SMAD7: variants seen among roughly 807,000 people sequenced by gnomAD.
The protein encoded by SMAD7 is SMAD family member 7.
Under a neutral mutation model 38.7 loss-of-function variants are expected in SMAD7, and 8 were observed. The observed-to-expected ratio is 0.21, with a 90% CI of 0.12 to 0.37. SMAD7 has a LOEUF of 0.37. Among genes scored for constraint, SMAD7 ranks in the 10% least tolerant of loss-of-function variants. The probability of loss-of-function intolerance (pLI) is 1.00; values close to 1 mark genes in which losing one functional copy is unlikely to be tolerated. For synonymous variants in SMAD7, 327 were observed against 265.1 expected, an observed-to-expected ratio of 1.23 and a Z score of -2.27; for missense variants, 477 against 577.9, an observed-to-expected ratio of 0.83 and a Z score of 1.79.
intron 3 of SMAD7, among the ~76,000 whole-genome samples, chr18:48,925,503 G>A (rs4939567): frequency 0.48 from 72,232 of 151,858 alleles, 17,362 homozygotes; most frequent in South Asian, 0.68. Context: ...GGAGGTGGGT[G>A]TTGAGAAAGG....
intron 3 of SMAD7, 24 bp downstream of exon 3, chr18:48,942,457 G>A (rs570310624): frequency 2.0e-6 from 3 of 1,515,002 alleles, no homozygotes; most frequent in Non-Finnish European, 2.7e-6. Flanking sequence ...GGAATTGCCA[G>A]GAAAATAAGA....
chr18:48,946,555 T>G (rs1239655661), intron 2 of SMAD7, among the ~76,000 whole-genome samples: 1 of 152,240 alleles, frequency 6.6e-6, no homozygotes, highest in African/African-American at 2.4e-5. Flanking sequence ...CTCATTTCTT[T>G]TTTTGTTCTA....
intron 3 of SMAD7, among the ~76,000 whole-genome samples, chr18:48,923,360 C>T (rs1186669008): frequency 2.0e-5 from 3 of 152,130 alleles, no homozygotes; most frequent in Admixed American, 2.0e-4. Context: ...GAAGATGGGG[C>T]CGCATCCTGC....
chr18:48,930,025 G>A (rs191107791), intron 3 of SMAD7: 5 of 151,976 alleles, frequency 3.3e-5, no homozygotes, highest in Admixed American at 2.6e-4. Flanking sequence ...ACTGCATTCC[G>A]GCCAATAAAT....
chr18:48,920,122 T>C lies in SMAD7; in HGVS notation c.*1250A>G, dbSNP rs1216258521. 1 of 152,394 alleles carries C rather than the reference T, an allele frequency of 6.6e-6. No individual in the cohort carries two copies. Among genetic ancestry groups the C allele is most frequent in the Non-Finnish European group, 1.5e-5 (1 of 67,946 alleles). 9.4% of individuals were successfully genotyped at this position (152,394 alleles called of 1,614,324 possible). On this transcript the variant is annotated 3_prime_UTR_variant, in exon 4 of 4. Coordinates refer to ENST00000262158, the MANE Select transcript of SMAD7 (RefSeq NM_005904.4). ...TATTTATATATAACATAAAATACATTTTTTTCTTTAATAAATCTCAGGTTT... is the reference window on the plus strand; with the variant it reads ...TATTTATATATAACATAAAATACATCTTTTTCTTTAATAAATCTCAGGTTT...
chr18:48,947,719 C>G (rs1158715077), intron 2 of SMAD7, among the ~76,000 whole-genome samples: 1 of 152,210 alleles, frequency 6.6e-6, no homozygotes, highest in Non-Finnish European at 1.5e-5. Context: ...TGCAGACAAC[C>G]ACAACAGGGC....
chr18:48,940,277 G>GC (rs2070122123), intron 3 of SMAD7, among the ~76,000 whole-genome samples: 2 of 152,202 alleles, frequency 1.3e-5, no homozygotes, highest in South Asian at 4.1e-4. Flanking sequence ...CATGTGGAAG[G>GC]CCCCCTCTTC....
At chr18:48,932,815 C>A (rs954387744) in intron 3 of SMAD7, among the ~76,000 whole-genome samples, 1 of 152,230 alleles carries the variant, frequency 6.6e-6, no homozygotes, top group African/African-American at 2.4e-5. Flanking sequence ...CTTCATCCCC[C>A]AGATGGTCTT....
chr18:48,928,799 C>G (rs761336378), intron 3 of SMAD7, among the ~76,000 whole-genome samples: 1 of 152,142 alleles, frequency 6.6e-6, no homozygotes, highest in African/African-American at 2.4e-5. Flanking sequence ...AGTCTGAAGC[C>G]CCCAACCTGG....
chr18:48,935,955 A>ATCCCAGCT (rs1431280550), intron 3 of SMAD7, among the ~76,000 whole-genome samples: 2 of 152,058 alleles, frequency 1.3e-5, no homozygotes, highest in African/African-American at 4.8e-5. Context: ...CACGCCTGTA[A>ATCCCAGCT]TCCCAGCTGC....
chr18:48,941,344 A>T (rs1277105152), intron 3 of SMAD7, among the ~76,000 whole-genome samples: 1 of 152,212 alleles, frequency 6.6e-6, no homozygotes, highest in Non-Finnish European at 1.5e-5. Flanking sequence ...TTGCATTGAA[A>T]TGAAAACAAA....
intron 1 of SMAD7, among the ~76,000 whole-genome samples, chr18:48,948,783 C>T (rs1327031483): frequency 6.6e-6 from 1 of 152,258 alleles, no homozygotes; most frequent in Non-Finnish European, 1.5e-5. Flanking sequence ...ACCCAGCTCC[C>T]AGCAACCTCG....
rs1033224467 is a variant in SMAD7, at chr18:48,947,900, C to T, written c.667+484G>A. On this transcript the variant is annotated intron_variant, in intron 2 of 3. Transcript: ENST00000262158. ...TGGAGCAGGAGGAACCTACCCCCCC[C>T]CCCCTTTTACTGGCTGTTGCCTATA... 4.0e-5 allele frequency among the ~76,000 whole-genome samples: 6 copies of T among 150,324 alleles called. 1 individual carries two copies. The South Asian group carries it at 6.5e-4, about 16-fold the overall frequency.
At position 48,938,403 on chromosome 18, in the gene SMAD7, T is replaced by G. The variant is rs148133687; in HGVS notation, c.742+4078A>C. Among the ~76,000 whole-genome samples, 308 of 152,258 alleles carry G rather than the reference T, an allele frequency of 2.0e-3. 3 individuals are homozygous for G. The highest frequency in any genetic ancestry group is 6.4e-3 in the African/African-American group (264 of 41,552). ...ACTTCGCACAGCCAAGAGATGGAGTTTCCCAGGACACGTGAGCACTTCTGT... is the reference window on the plus strand; with the variant it reads ...ACTTCGCACAGCCAAGAGATGGAGTGTCCCAGGACACGTGAGCACTTCTGT... On this transcript the variant is annotated intron_variant, in intron 3 of 3. Transcript: ENST00000262158.
intron 2 of SMAD7, among the ~76,000 whole-genome samples, chr18:48,943,082 A>AT (rs1486817942): frequency 1.3e-5 from 2 of 152,234 alleles, no homozygotes; most frequent in Admixed American, 6.5e-5. Context: ...AGAGCAAAGT[A>AT]TACAAAATCC....
chr18:48,948,273 A>C, intron 2 of SMAD7, 111 bp downstream of exon 2: 1 of 658,482 alleles, frequency 1.5e-6, no homozygotes. Flanking sequence ...CCTAGAACCA[A>C]CGTGAAGCCC....
intron 3 of SMAD7, among the ~76,000 whole-genome samples, chr18:48,933,882 T>C (rs2070032572): frequency 6.6e-6 from 1 of 152,228 alleles, no homozygotes; most frequent in African/African-American, 2.4e-5. Context: ...CCTTGTTGTG[T>C]TATGAAAACA....
chr18:48,922,963 G>A (rs1458567917), intron 3 of SMAD7, among the ~76,000 whole-genome samples: 2 of 152,204 alleles, frequency 1.3e-5, no homozygotes, highest in Non-Finnish European at 2.9e-5. Flanking sequence ...GGGTCACACG[G>A]AGGGAAAGGG....
chr18:48,928,520 C>A (rs79474805), intron 3 of SMAD7, among the ~76,000 whole-genome samples: 1,584 of 152,080 alleles, frequency 0.01, 32 homozygotes, highest in East Asian at 0.1. Context: ...CCTCAAGAGA[C>A]GGTGAGCCCC....
Sources: allele counts gnomAD v4.1 joint callset (sites outside exome capture counted in the v4.1 genomes callset), GRCh38; gene constraint gnomAD v4.1.1; transcripts MANE v1.5; gene names NCBI Gene and HGNC (gene_info 2026-07-23, HGNC 2026-07-21).